The following AKAP1 variants were observed in gnomAD, a reference collection of about 807,000 sequenced individuals.
AKAP1 encodes A-kinase anchoring protein 1.
AKAP1 carries 32 observed loss-of-function variants against 79.8 expected under a neutral mutation model. That is an observed-to-expected ratio of 0.40 (90% confidence interval 0.30 to 0.54). The LOEUF is 0.54. AKAP1 is among the 20% of genes least tolerant of loss of function. AKAP1 has a pLI of 0.47. For synonymous variants in AKAP1, 416 were observed against 466.7 expected (o/e 0.89, Z 1.40); for missense variants, 961 against 1,138.9 (o/e 0.84, Z 2.25).
At chr17:57,108,399 A>G (rs1410847557) in intron 2 of AKAP1, among the ~76,000 whole-genome samples, 5 of 152,220 alleles carry the variant, frequency 3.3e-5, no homozygotes, top group Non-Finnish European at 5.9e-5. Context: ...AAAATACTGC[A>G]TCTGAAAATG....
chr17:57,086,660 A>C lies in AKAP1; in HGVS notation c.-25+1262A>C, dbSNP rs1393132223. On this transcript the variant is annotated intron_variant, in intron 1 of 10. Coordinates refer to ENST00000337714, the MANE Select transcript of AKAP1 (RefSeq NM_003488.4). The surrounding 1 kb of genome is among the most constrained non-coding windows in gnomAD (Gnocchi z 5.1). Reference sequence around the variant, plus strand: ...TCGTGTTTAGATTTGTCTCCAGTGAAATCTAGGCTGCTGGACCTGGTGCAA... The same window carrying C: ...TCGTGTTTAGATTTGTCTCCAGTGACATCTAGGCTGCTGGACCTGGTGCAA... The C allele has an allele frequency of 3.1e-6, 1 of 321,156 alleles. No individual in the cohort carries two copies. Among genetic ancestry groups the C allele is most frequent in the Admixed American group, 4.7e-5 (1 of 21,420 alleles). The allele number at this position is 321,156 out of a possible 1,614,324, so 19.9% of individuals were successfully genotyped here.
At chr17:57,111,191 G>A (rs1014328800) in intron 3 of AKAP1, among the ~76,000 whole-genome samples, 2 of 152,238 alleles carry the variant, frequency 1.3e-5, no homozygotes, top group Non-Finnish European at 2.9e-5. Flanking sequence ...CCCATCTTAC[G>A]TAAGGGCTAA....
In AKAP1 at chr17:57,111,772, C is replaced by T. The variant is rs1267114723; in HGVS notation, c.1849-26C>T. On this transcript the variant is annotated intron_variant, in intron 3 of 10. Coordinates refer to ENST00000337714, the MANE Select transcript of AKAP1 (RefSeq NM_003488.4). The stretch of plus-strand genomic sequence containing the variant: ...AGGGAATTGGTTTCCCTTTAACCCT[C>T]TCATCTCTTTTTGTCTTTCTGGAAG... The T allele has an allele frequency of 2.5e-6, 4 of 1,613,310 alleles. No individual in the cohort carries two copies. In the African/African-American group the frequency reaches 5.3e-5, roughly 22 times the overall value.
chr17:57,105,932 A>C lies in AKAP1; in HGVS notation c.468A>C (p.Leu156=), dbSNP rs202033264. 11 of 1,614,220 alleles carry C rather than the reference A, an allele frequency of 6.8e-6. No homozygotes were observed. Among genetic ancestry groups the C allele is most frequent in the Admixed American group, 1.7e-5 (1 of 60,028 alleles). The change falls in exon 2 of 11, where the codon CTA becomes CTC. Residue 156 remains leucine (L), a synonymous_variant. Coordinates refer to ENST00000337714, the MANE Select transcript of AKAP1 (RefSeq NM_003488.4). ...CCCTTTCATCCCCAAAGGGTGTACT[A>C]TTCTCCAGCAAATCAGCTGAGGTGT... ...ECPLSSPKGV[L]FSSKSAEVCK... is the part of the protein sequence containing the mutation.
intron 1 of AKAP1, among the ~76,000 whole-genome samples, chr17:57,101,924 T>C (rs981823438): frequency 2.0e-5 from 3 of 152,224 alleles, no homozygotes; most frequent in Non-Finnish European, 4.4e-5. Flanking sequence ...CCTTTTTGTT[T>C]TACGTATCCA....
chr17:57,085,913 G>T (rs1913415069), intron 1 of AKAP1: 1 of 170,866 alleles, frequency 5.9e-6, no homozygotes, highest in Admixed American at 5.5e-5. Context: ...CACTTCTGGA[G>T]CCTCGCCCAA....
intron 3 of AKAP1, 91 bp downstream of exon 3, chr17:57,110,249 G>C: frequency 1.3e-6 from 2 of 1,526,412 alleles, no homozygotes; most frequent in Non-Finnish European, 8.8e-7. Flanking sequence ...AGGGGGCTGG[G>C]AGAGGGACAG....
rs374796350 is a variant in AKAP1, at chr17:57,106,772, G to A, written c.1308G>A (p.Val436=). 20 of 1,613,910 alleles carry A rather than the reference G, an allele frequency of 1.2e-5. No homozygotes were observed. Among genetic ancestry groups the A allele is most frequent in the Admixed American group, 1.7e-5 (1 of 60,014 alleles). The part of the protein sequence containing the change: ...AEGSPPPKTY[V]SCLKSLLSSP... ...GCTCACCACCACCAAAGACCTACGT[G>A]AGCTGCCTGAAGAGCCTTCTGTCCA... The change falls in exon 2 of 11, where the codon GTG becomes GTA. Residue 436 remains valine (V), a synonymous_variant. Coordinates refer to ENST00000337714, the MANE Select transcript of AKAP1 (RefSeq NM_003488.4).
At chr17:57,099,110 AT>A (rs1914320627) in intron 1 of AKAP1, among the ~76,000 whole-genome samples, 1 of 152,078 alleles carries the variant, frequency 6.6e-6, no homozygotes, top group Non-Finnish European at 1.5e-5. Context: ...GTAGAGGGGC[AT>A]CTGTGAGGTG....
Position 57,111,869 on chromosome 17 carries a change from G to C in AKAP1, c.1920G>C (p.Lys640Asn), listed in dbSNP as rs1236706978. 1 of 1,614,136 alleles carries C rather than the reference G, an allele frequency of 6.2e-7. No homozygotes were observed. Among genetic ancestry groups the C allele is most frequent in the Non-Finnish European group, 8.5e-7 (1 of 1,180,030 alleles). ...VSFLKQTSGA[K>N]IYISTLPYTQ... Reference sequence around the variant, plus strand: ...TTCTGAAGCAAACATCTGGTGCCAAGATCTACATTTCAACCCTGCCTTACA... The same window carrying C: ...TTCTGAAGCAAACATCTGGTGCCAACATCTACATTTCAACCCTGCCTTACA... The change falls in exon 4 of 11, where the codon AAG becomes AAC. Residue 640 changes from lysine to asparagine, a missense_variant. Around this residue, in one of 3 missense-constraint regions of AKAP1, gnomAD observed 629 missense variants for 781.1 expected, o/e 0.81. Transcript: ENST00000337714.
chr17:57,107,856 C>A, intron 2 of AKAP1: 1 of 845,898 alleles, frequency 1.2e-6, no homozygotes, highest in Non-Finnish European at 1.7e-6. Flanking sequence ...AAAGAACGGC[C>A]ACAGCTTTGA....
chr17:57,105,485 G>T lies in AKAP1; in HGVS notation c.21G>T (p.Ser7=), dbSNP rs148802735. Residue 7 remains serine (S), a synonymous_variant, in exon 2 of 11, where the codon TCG becomes TCT. Coordinates refer to ENST00000337714, the MANE Select transcript of AKAP1 (RefSeq NM_003488.4). ...CCAGGATGGCAATCCAGTTCCGTTC[G>T]CTCTTCCCCTTGGCATTGCCTGGGA... MAIQFR[S]LFPLALPGML... 10 of 1,613,798 alleles carry T rather than the reference G, an allele frequency of 6.2e-6. No individual in the cohort carries two copies. Among genetic ancestry groups the T allele is most frequent in the South Asian group, 3.3e-5 (3 of 91,068 alleles).
chr17:57,120,118 G>T, intron 10 of AKAP1, 132 bp from the exon 11 acceptor site: 1 of 731,656 alleles, frequency 1.4e-6, no homozygotes, highest in Non-Finnish European at 2.3e-6. Context: ...GAGCCACTGC[G>T]TCTGGCCTAC....
chr17:57,114,746 C>T (rs1915476564), intron 6 of AKAP1, 110 bp downstream of exon 6: 2 of 1,214,024 alleles, frequency 1.6e-6, no homozygotes, highest in African/African-American at 3.0e-5. Context: ...AAGCAGCATC[C>T]TTCAATTCTT....
At chr17:57,111,525 T>C (rs1300371255) in intron 3 of AKAP1, among the ~76,000 whole-genome samples, 1 of 152,232 alleles carries the variant, frequency 6.6e-6, no homozygotes, top group African/African-American at 2.4e-5. Context: ...ACTGCCTGGT[T>C]CGACTTCCTG....
At position 57,106,483 on chromosome 17, in the gene AKAP1, G is replaced by C; in HGVS notation, c.1019G>C (p.Arg340Thr). The change falls in exon 2 of 11, where the codon AGA becomes ACA. Residue 340 changes from arginine to threonine, a missense_variant. This residue lies in a region of AKAP1 where 629 missense variants were observed against 781.1 expected (regional missense o/e 0.81). Transcript: ENST00000337714. ...SLDRNEEGLD[R>T]NEEIKRAAFQ... ...GATAGAAATGAGGAGGGCTTGGATA[G>C]AAATGAGGAGATTAAGCGGGCTGCC... The C allele has an allele frequency of 6.2e-7, 1 of 1,613,200 alleles. No homozygotes were observed. Among genetic ancestry groups the C allele is most frequent in the Non-Finnish European group, 8.5e-7 (1 of 1,179,964 alleles).
chr17:57,115,326 G>C (rs962822212), intron 6 of AKAP1, among the ~76,000 whole-genome samples: 1 of 152,170 alleles, frequency 6.6e-6, no homozygotes, highest in Non-Finnish European at 1.5e-5. Flanking sequence ...CTTTTGGAAG[G>C]ATAAGGACTT....
chr17:57,089,914 A>G (rs554956288), intron 1 of AKAP1, among the ~76,000 whole-genome samples: 1 of 152,368 alleles, frequency 6.6e-6, no homozygotes, highest in East Asian at 1.9e-4. Flanking sequence ...ATTATCATAA[A>G]GATCCCTGCT....
At position 57,105,970 on chromosome 17, in the gene AKAP1, C is replaced by T. The variant is rs777619433; in HGVS notation, c.506C>T (p.Ser169Phe). Residue 169 changes from serine to phenylalanine, a missense_variant, in exon 2 of 11, where the codon TCC (serine) becomes TTC (phenylalanine). By Grantham distance (155) the Ser-to-Phe change is radical. This residue lies in a region of AKAP1 where 224 missense variants were observed against 210.2 expected (regional missense o/e 1.07). Coordinates refer to ENST00000337714, the MANE Select transcript of AKAP1 (RefSeq NM_003488.4). ...SKSAEVCKQD[S>F]PFSRVPRKVQ... The stretch of plus-strand genomic sequence containing the variant: ...TCAGCTGAGGTGTGTAAGCAAGATT[C>T]CCCCTTCAGCAGGGTGCCAAGGAAG... 13 of 1,614,086 alleles carry T rather than the reference C, an allele frequency of 8.1e-6. No individual in the cohort carries two copies. The highest frequency in any genetic ancestry group is 1.3e-5 in the African/African-American group (1 of 74,942).
Sources: gnomAD v4.1 joint callset for allele counts (sites outside exome capture counted in the v4.1 genomes callset) on GRCh38, gnomAD v4.1.1 for gene constraint, gnomAD v4.1.1 regional missense constraint, Gnocchi (gnomAD v3.1) non-coding constraint, MANE v1.5 for transcripts, NCBI Gene and HGNC (gene_info 2026-07-23, HGNC 2026-07-21) for gene names.